The following IFT74 variants were observed in gnomAD, a reference collection of about 807,000 sequenced individuals.
IFT74 encodes the protein intraflagellar transport protein 74 homolog.
Under a neutral mutation model 96.7 loss-of-function variants are expected in IFT74, and 92 were observed. The observed-to-expected ratio is 0.95, with a 90% CI of 0.80 to 1.13. The LOEUF is 1.13. Among genes scored for constraint, IFT74 ranks in the 50% most tolerant of loss-of-function variants. The pLI is 0.00. For synonymous variants in IFT74, 223 were observed against 213.2 expected, an observed-to-expected ratio of 1.05 and a Z score of -0.40; for missense variants, 811 against 698.2, an observed-to-expected ratio of 1.16 and a Z score of -1.82.
chr9:27,058,605 C>T lies in IFT74; in HGVS notation c.1624-1986C>T, dbSNP rs776723299. On this transcript the variant is annotated intron_variant, in intron 18 of 19. Coordinates refer to ENST00000380062, the MANE Select transcript of IFT74 (RefSeq NM_025103.4). The stretch of plus-strand genomic sequence containing the variant: ...GTTTCACCTTGTTGGCCAGGCTGGT[C>T]TCGAACTCCTGACCTTAGGTCATCC... Among the ~76,000 whole-genome samples the T allele has an allele frequency of 2.8e-3, 419 of 152,248 alleles. 5 individuals are homozygous for T. The highest frequency in any genetic ancestry group is 5.1e-4 in the Non-Finnish European group (35 of 68,020).
intron 13 of IFT74, among the ~76,000 whole-genome samples, chr9:27,039,895 T>C (rs1277531587): frequency 6.6e-6 from 1 of 152,116 alleles, no homozygotes; most frequent in African/African-American, 2.4e-5. Context: ...ACTGTAATAA[T>C]GGTATGTGAA....
chr9:26,987,058 T>G (rs1827672222), intron 6 of IFT74, among the ~76,000 whole-genome samples: 1 of 152,214 alleles, frequency 6.6e-6, no homozygotes, highest in Non-Finnish European at 1.5e-5. Context: ...TTTGTTTTTT[T>G]GTTCTTCTTG....
At chr9:26,999,883 C>G (rs1165933311) in intron 8 of IFT74, among the ~76,000 whole-genome samples, 1 of 151,418 alleles carries the variant, frequency 6.6e-6, no homozygotes, top group African/African-American at 2.4e-5. Context: ...GCAGTCCTCC[C>G]AACTCAGCTT....
intron 2 of IFT74, among the ~76,000 whole-genome samples, chr9:26,975,855 C>G (rs1377770369): frequency 1.3e-5 from 2 of 152,218 alleles, no homozygotes; most frequent in African/African-American, 4.8e-5. Context: ...CTCCTTGCAT[C>G]CTTCTTTCGC....
At chr9:27,024,307 A>T (rs1829751396) in intron 12 of IFT74, among the ~76,000 whole-genome samples, 1 of 152,194 alleles carries the variant, frequency 6.6e-6, no homozygotes, top group Non-Finnish European at 1.5e-5. Flanking sequence ...TGGTATCCAC[A>T]GCTGAGACCC....
At chr9:27,051,103 T>G (rs974042805) in intron 16 of IFT74, among the ~76,000 whole-genome samples, 1 of 152,188 alleles carries the variant, frequency 6.6e-6, no homozygotes, top group African/African-American at 2.4e-5. Context: ...CCTCAGACTT[T>G]GCCATGGGAG....
chr9:26,959,900 A>G (rs1454582610), intron 1 of IFT74, among the ~76,000 whole-genome samples: 1 of 152,192 alleles, frequency 6.6e-6, no homozygotes, highest in African/African-American at 2.4e-5. Context: ...GTACAGTTGT[A>G]TGATTTCCAT....
At chr9:26,995,554 A>G (rs1378854122) in intron 8 of IFT74, 6 of 1,593,808 alleles carry the variant, frequency 3.8e-6, no homozygotes, top group East Asian at 2.2e-5. Flanking sequence ...GGATATCTAT[A>G]TATTTGTCTT....
chr9:26,980,584 A>C lies in IFT74; in HGVS notation c.270A>C (p.Gln90His). 1 of 1,606,414 alleles carries C rather than the reference A, an allele frequency of 6.2e-7. No homozygotes were observed. The highest frequency in any genetic ancestry group is 8.5e-7 in the Non-Finnish European group (1 of 1,173,342). The change falls in exon 4 of 20, where the codon CAA becomes CAC. Residue 90 changes from glutamine (Q) to histidine (H), a missense_variant. Physicochemically the swap from Gln to His is conservative, Grantham distance 24 (BLOSUM62 0). Coordinates refer to ENST00000380062, the MANE Select transcript of IFT74 (RefSeq NM_025103.4). ...ATTTTTTTTTAGGTCCCCAGAGGCAAATTTTAGACAAATCTTACTATCTTG... is the reference window on the plus strand; with the variant it reads ...ATTTTTTTTTAGGTCCCCAGAGGCACATTTTAGACAAATCTTACTATCTTG... ...MKTGTKGPQR[Q>H]ILDKSYYLGL... is the part of the protein sequence containing the mutation.
chr9:26,997,251 T>C (rs1211935331), intron 8 of IFT74, among the ~76,000 whole-genome samples: 1 of 151,320 alleles, frequency 6.6e-6, no homozygotes, highest in African/African-American at 2.4e-5. Flanking sequence ...CCCCTGGTAA[T>C]GGGGAAGGAG....
Position 27,065,807 on chromosome 9 carries a change from A to G in IFT74, c.*3071A>G, listed in dbSNP as rs1820588454. Among the ~76,000 whole-genome samples, 2 of 152,232 alleles carry G rather than the reference A, an allele frequency of 1.3e-5. No individual in the cohort carries two copies. The highest frequency in any genetic ancestry group is 4.1e-4 in the South Asian group (2 of 4,834). Reference sequence around the variant, plus strand: ...TAATGTTTAGACTCAAAGTAAGAAGAAATAAAGATGGACCACTAGAGAATT... The same window carrying G: ...TAATGTTTAGACTCAAAGTAAGAAGGAATAAAGATGGACCACTAGAGAATT... On this transcript the variant is annotated 3_prime_UTR_variant, in exon 20 of 20. Coordinates refer to ENST00000380062, the MANE Select transcript of IFT74 (RefSeq NM_025103.4).
In IFT74 at chr9:26,990,200, G is replaced by A; in HGVS notation, c.587+5G>A. 7.3e-7 allele frequency: 1 copy of A among 1,374,312 alleles called. No homozygotes were observed. Among genetic ancestry groups the A allele is most frequent in the Non-Finnish European group, 9.6e-7 (1 of 1,039,122 alleles). 85.1% of individuals were successfully genotyped at this position (1,374,312 alleles called of 1,614,324 possible). ...CATATTTACTGAAAGACAAGCGTAA[G>A]TATAGCTAATTTAAAAATTAGATTC... On this transcript the variant is annotated splice_donor_5th_base_variant and intron_variant, in intron 8 of 19. Transcript: ENST00000380062.
chr9:27,053,645 T>G (rs1820028460), intron 16 of IFT74, among the ~76,000 whole-genome samples: 1 of 152,206 alleles, frequency 6.6e-6, no homozygotes, highest in African/African-American at 2.4e-5. Context: ...CATTTAGCTT[T>G]TCATTGCGGA....
intron 11 of IFT74, 54 bp from the exon 12 acceptor site, chr9:27,018,593 A>G: frequency 1.1e-6 from 1 of 901,700 alleles, no homozygotes; most frequent in East Asian, 2.6e-5. Flanking sequence ...TCTTTAAGAT[A>G]GCCTTACAAT....
At chr9:27,055,845 G>A in intron 17 of IFT74, 73 bp downstream of exon 17, 1 of 950,642 alleles carries the variant, frequency 1.1e-6, no homozygotes, top group Admixed American at 3.1e-5. Flanking sequence ...ATATATTTGT[G>A]GTTTATAGGA....
chr9:27,012,472 C>T (rs1829131219), intron 10 of IFT74, among the ~76,000 whole-genome samples: 1 of 152,084 alleles, frequency 6.6e-6, no homozygotes, highest in African/African-American at 2.4e-5. Context: ...CCTGCCTTGG[C>T]TTCCCAATGT....
intron 18 of IFT74, 125 bp downstream of exon 18, chr9:27,056,584 G>C (rs1820169112): frequency 1.4e-6 from 1 of 731,222 alleles, no homozygotes; most frequent in Non-Finnish European, 2.2e-6. Flanking sequence ...AAGACAGCCA[G>C]ATTCTGTACA....
intron 16 of IFT74, among the ~76,000 whole-genome samples, chr9:27,051,356 A>T (rs567564674): frequency 6.6e-6 from 1 of 152,316 alleles, no homozygotes; most frequent in South Asian, 2.1e-4. Context: ...TCTATATGCC[A>T]AGTAACTGGA....
chr9:26,995,878 G>A (rs920506554), intron 8 of IFT74: 10 of 1,509,716 alleles, frequency 6.6e-6, no homozygotes, highest in Non-Finnish European at 8.9e-6. Context: ...AGAGGAGAGA[G>A]AAAGAAAATT....
Sources: allele counts gnomAD v4.1 joint callset (sites outside exome capture counted in the v4.1 genomes callset), GRCh38; gene constraint gnomAD v4.1.1; transcripts MANE v1.5; gene names NCBI Gene and HGNC (gene_info 2026-07-23, HGNC 2026-07-21).